Variants in MMP25 observed in about 807,000 individuals in gnomAD.
MMP25 encodes the protein matrix metalloproteinase-25.
In MMP25, 68 loss-of-function variants were observed where a neutral mutation model predicts 62.1. The observed-to-expected ratio is 1.10, with a 90% CI of 0.90 to 1.34. The LOEUF is 1.34. Among genes scored for constraint, MMP25 ranks in the 40% most tolerant of loss-of-function variants. The pLI, the probability that MMP25 is intolerant of heterozygous loss-of-function variation, is 0.00. For synonymous variants in MMP25, 407 were observed against 345.6 expected, an observed-to-expected ratio of 1.18 and a Z score of -1.97; for missense variants, 942 against 792.5, an observed-to-expected ratio of 1.19 and a Z score of -2.26.
intron 4 of MMP25, chr16:3,052,287 C>G (rs971289822): frequency 4.6e-5 from 7 of 152,116 alleles, no homozygotes; most frequent in East Asian, 3.8e-4. Context: ...GAGCCAGTGA[C>G]CAGAGAAATG....
At chr16:3,055,914 C>T (rs1377582534) in intron 4 of MMP25, 1 of 455,448 alleles carries the variant, frequency 2.2e-6, no homozygotes, top group South Asian at 1.6e-5. Context: ...GCGTGTGAAT[C>T]CTCTGGGTCC....
rs1567129417 is a variant in MMP25 at position 3,058,544 on chromosome 16, T to A, written c.1292T>A (p.Val431Asp). ...SWPQNGKTYL[V>D]RGRQYWRYDE... is the part of the protein sequence containing the mutation. ...CCACAGAACGGGAAGACCTACCTGG[T>A]CCGCGGCCGGCAGTACTGGCGCTAC... The change falls in exon 9 of 10, where the codon GTC becomes GAC. Residue 431 changes from valine (V) to aspartate (D), a missense_variant. Physicochemically the swap from Val to Asp is radical, Grantham distance 152 (BLOSUM62 -3). Transcript: ENST00000336577. The A allele has an allele frequency of 6.2e-7, 1 of 1,610,712 alleles. No homozygotes were observed. The highest frequency in any genetic ancestry group is 8.5e-7 in the Non-Finnish European group (1 of 1,179,298).
At chr16:3,051,846 C>T (rs982396083) in intron 4 of MMP25, 5 of 152,088 alleles carry the variant, frequency 3.3e-5, no homozygotes, top group South Asian at 2.1e-4. Flanking sequence ...GAATATAGGC[C>T]GGGCGTGATT....
Position 3,046,997 on chromosome 16 carries a change from A to C in MMP25, c.80A>C (p.Gln27Pro). Residue 27 changes from glutamine (Q) to proline (P), a missense_variant, in exon 1 of 10, where the codon CAG becomes CCG. Coordinates refer to ENST00000336577, the MANE Select transcript of MMP25 (RefSeq NM_022468.5). ...GCGCGCGCCCCGAAGCCCTCGGCGC[A>C]GGACGTGAGCCTGGGCGTGGTGAGC... is the stretch of plus-strand genomic sequence containing the variant. ...PPARAPKPSA[Q>P]DVSLGVDWLT... 6.8e-7 allele frequency: 1 copy of C among 1,469,776 alleles called. No individual in the cohort carries two copies. The highest frequency in any genetic ancestry group is 1.3e-5 in the South Asian group (1 of 77,096). 91.0% of individuals were successfully genotyped at this position (1,469,776 alleles called of 1,614,324 possible). A position where few individuals can be genotyped will look rare whatever the true frequency, so the allele number is the denominator to read the frequency against.
At position 3,058,397 on chromosome 16, in the gene MMP25, G is replaced by A. The variant is rs539016287; in HGVS notation, c.1160-15G>A. On this transcript the variant is annotated splice_polypyrimidine_tract_variant and intron_variant, in intron 8 of 9. Transcript: ENST00000336577. Reference sequence around the variant, plus strand: ...CGGGGAGCCCACCCCTGACCTCCCGGCCTCCACCCTGCAGGGCCCCAGTTC... The same window carrying A: ...CGGGGAGCCCACCCCTGACCTCCCGACCTCCACCCTGCAGGGCCCCAGTTC... The A allele has an allele frequency of 1.3e-6, 2 of 1,519,096 alleles. No homozygotes were observed. The highest frequency in any genetic ancestry group is 1.8e-6 in the Non-Finnish European group (2 of 1,133,530). 94.1% of individuals were successfully genotyped at this position (1,519,096 alleles called of 1,614,324 possible).
In MMP25 at chr16:3,059,220, G is replaced by A. The variant is rs1401365287; in HGVS notation, c.*122G>A. The A allele has an allele frequency of 2.4e-6, 3 of 1,236,270 alleles. No individual in the cohort carries two copies. The highest frequency in any genetic ancestry group is 1.5e-5 in the African/African-American group (1 of 64,770). The allele number at this position is 1,236,270 out of a possible 1,614,324, so 76.6% of individuals were successfully genotyped here. ...TCTGTTCCCACGGACGGGGGCTCGG[G>A]CGCGGACTAAGCAGGGGGGATCTCC... is the stretch of plus-strand genomic sequence containing the variant. On this transcript the variant is annotated 3_prime_UTR_variant, in exon 10 of 10. Coordinates refer to ENST00000336577, the MANE Select transcript of MMP25 (RefSeq NM_022468.5).
intron 4 of MMP25, 152 bp downstream of exon 4, chr16:3,050,698 C>T (rs949270563): frequency 4.7e-5 from 35 of 749,622 alleles, no homozygotes; most frequent in Middle Eastern, 7.9e-4. Context: ...ACTGCAACCA[C>T]GAACTTCTGG....
At position 3,050,532 on chromosome 16, in the gene MMP25, C is replaced by G. The variant is rs148040455; in HGVS notation, c.647C>G (p.Thr216Ser). ...CACTTTGACGATGAGGAGACCTGGACTTTTGGGTCAAAAGGTAAAATCTCC... is the reference window on the plus strand; with the variant it reads ...CACTTTGACGATGAGGAGACCTGGAGTTTTGGGTCAAAAGGTAAAATCTCC... The part of the protein sequence containing the change: ...DTHFDDEETW[T>S]FGSKDGEGTD... The change falls in exon 4 of 10, where the codon ACT becomes AGT. Residue 216 changes from threonine (T) to serine (S), a missense_variant. Coordinates refer to ENST00000336577, the MANE Select transcript of MMP25 (RefSeq NM_022468.5). The G allele has an allele frequency of 7.8e-6, 12 of 1,545,888 alleles. No homozygotes were observed. Among genetic ancestry groups the G allele is most frequent in the East Asian group, 2.3e-5 (1 of 44,118 alleles).
At position 3,059,690 on chromosome 16, in the gene MMP25, C is replaced by CT. The variant is rs986025428; in HGVS notation, c.*593dup. 1.7e-4 allele frequency: 26 copies of CT among 152,792 alleles called. No individual in the cohort carries two copies. The highest frequency in any genetic ancestry group is 6.0e-4 in the African/African-American group (25 of 41,540). The allele number at this position is 152,792 out of a possible 1,614,324, so 9.5% of individuals were successfully genotyped here. On this transcript the variant is annotated 3_prime_UTR_variant, in exon 10 of 10. Transcript: ENST00000336577. ...CCCACCCGCAGTTTCTCACCCCGTTCTGCTCCCACAAGGCCCCCCTACAGT... is the reference window on the plus strand; with the variant it reads ...CCCACCCGCAGTTTCTCACCCCGTTCTTGCTCCCACAAGGCCCCCCTACAGT...
At chr16:3,055,702 C>T (rs1252638532) in intron 4 of MMP25, 4 of 358,058 alleles carry the variant, frequency 1.1e-5, no homozygotes, top group South Asian at 2.0e-5. Flanking sequence ...TTCACCAGGT[C>T]GTTACCTATG....
rs776266852 is a variant in MMP25 at position 3,057,221 on chromosome 16, G to A, written c.838+12G>A. The A allele has an allele frequency of 6.2e-7, 1 of 1,613,242 alleles. No homozygotes were observed. The highest frequency in any genetic ancestry group is 8.5e-7 in the Non-Finnish European group (1 of 1,179,672). The stretch of plus-strand genomic sequence containing the variant: ...GCAGCAACTCTATGGTAGGGGGAGA[G>A]GGACCTGCCGCGAAACCATCATTGC... On this transcript the variant is annotated intron_variant, in intron 5 of 9. Transcript: ENST00000336577.
intron 2 of MMP25, among the ~76,000 whole-genome samples, chr16:3,049,256 G>C (rs1342672229): frequency 1.3e-5 from 2 of 152,048 alleles, no homozygotes; most frequent in Non-Finnish European, 2.9e-5. Flanking sequence ...GTTGGATTCG[G>C]GGTGTATATT....
intron 4 of MMP25, among the ~76,000 whole-genome samples, chr16:3,055,346 A>T (rs1232848771): frequency 6.6e-6 from 1 of 152,174 alleles, no homozygotes; most frequent in Non-Finnish European, 1.5e-5. Flanking sequence ...AAGGTGAGAG[A>T]TGAAAGATAT....
rs370144156 is a variant in MMP25, at chr16:3,047,399, C to T, written c.100-16C>T. On this transcript the variant is annotated splice_polypyrimidine_tract_variant and intron_variant, in intron 1 of 9. Coordinates refer to ENST00000336577, the MANE Select transcript of MMP25 (RefSeq NM_022468.5). ...TTTCACCCAGCCCGCTTCACCTGCC[C>T]CCTCCGATGCCCTAGGACTGGCTGA... 3 of 1,605,640 alleles carry T rather than the reference C, an allele frequency of 1.9e-6. No homozygotes were observed. The highest frequency in any genetic ancestry group is 2.7e-5 in the African/African-American group (2 of 74,732).
intron 2 of MMP25, among the ~76,000 whole-genome samples, chr16:3,049,769 T>C (rs1485525747): frequency 6.6e-6 from 1 of 152,194 alleles, no homozygotes; most frequent in Non-Finnish European, 1.5e-5. Flanking sequence ...ATCACCTGCA[T>C]GCAGCCAGTT....
At chr16:3,048,973 T>C (rs1314186147) in intron 2 of MMP25, among the ~76,000 whole-genome samples, 1 of 151,924 alleles carries the variant, frequency 6.6e-6, no homozygotes, top group African/African-American at 2.4e-5. Context: ...GCCCAGCTAA[T>C]TTTTTTGTAT....
At chr16:3,053,958 A>C (rs1955951363) in intron 4 of MMP25, 1 of 151,542 alleles carries the variant, frequency 6.6e-6, no homozygotes, top group African/African-American at 2.4e-5. Context: ...TGGCTGGAGA[A>C]CTTGACCGGG....
In MMP25 at chr16:3,059,265, C is replaced by T; in HGVS notation, c.*167C>T. On this transcript the variant is annotated 3_prime_UTR_variant, in exon 10 of 10. Transcript: ENST00000336577. ...ATCTCCCGCGCAGGGGCGGCGGCGGCGGGGACCGGTCGCCTGGCGCTGGGC... is the reference window on the plus strand; with the variant it reads ...ATCTCCCGCGCAGGGGCGGCGGCGGTGGGGACCGGTCGCCTGGCGCTGGGC... The T allele has an allele frequency of 2.6e-6, 2 of 778,338 alleles. No individual in the cohort carries two copies. Among genetic ancestry groups the T allele is most frequent in the Non-Finnish European group, 3.7e-6 (2 of 534,862 alleles). 48.2% of individuals were successfully genotyped at this position (778,338 alleles called of 1,614,324 possible).
In MMP25 at chr16:3,058,301, G is replaced by C. The variant is rs201851412; in HGVS notation, c.1127G>C (p.Arg376Pro). 1.2e-6 allele frequency: 2 copies of C among 1,604,040 alleles called. No individual in the cohort carries two copies. Among genetic ancestry groups the C allele is most frequent in the Non-Finnish European group, 1.7e-6 (2 of 1,176,786 alleles). The change falls in exon 8 of 10, where the codon CGG becomes CCG. Residue 376 changes from arginine (R) to proline (P), a missense_variant. Transcript: ENST00000336577. Reference protein sequence around the residue: ...QVRVVQAAYARHRDGRILLFS... With the variant: ...QVRVVQAAYAPHRDGRILLFS... The stretch of plus-strand genomic sequence containing the variant: ...AGGGTGGTGCAGGCCGCCTATGCTC[G>C]GCACCGAGACGGCCGAATCCTCCTC...
Sources: gnomAD v4.1 joint callset for allele counts (sites outside exome capture counted in the v4.1 genomes callset) on GRCh38, gnomAD v4.1.1 for gene constraint, MANE v1.5 for transcripts, NCBI Gene and HGNC (gene_info 2026-07-23, HGNC 2026-07-21) for gene names.